The following MKI67 variants were observed in gnomAD, a reference collection of about 807,000 sequenced individuals.
The protein encoded by MKI67 is proliferation marker protein Ki-67.
In MKI67, 152 loss-of-function variants were observed where a neutral mutation model predicts 233.5. The ratio of observed to expected loss-of-function variants is 0.65; its 90% CI spans 0.57 to 0.74. The LOEUF is 0.74. Ranked by LOEUF, MKI67 falls within the 30% of genes least tolerant of loss-of-function variation. MKI67 has a pLI of 0.00. For missense variants in MKI67, 3,940 were observed against 3,885.2 expected, an observed-to-expected ratio of 1.01 and a Z score of -0.37; for synonymous variants, 1,465 against 1,418.5, an observed-to-expected ratio of 1.03 and a Z score of -0.74.
chr10:128,115,341 T>C lies in MKI67; in HGVS notation c.1067A>G (p.Asn356Ser). The C allele has an allele frequency of 2.5e-6, 4 of 1,614,162 alleles. No individual in the cohort carries two copies. The highest frequency in any genetic ancestry group is 3.4e-6 in the Non-Finnish European group (4 of 1,180,018). ...KTPVQYSQQQ[N>S]SPQKHKNKDL... The stretch of plus-strand genomic sequence containing the variant: ...TTTGTTCTTATGTTTTTGTGGAGAA[T>C]TTTGTTGCTGTGAATATTGTACAGG... The change falls in exon 7 of 15, where the codon AAT (asparagine) becomes AGT (serine). Residue 356 changes from asparagine (N) to serine (S), a missense_variant. Transcript: ENST00000368654.
chr10:128,101,978 A>C (rs1331192159), intron 13 of MKI67, among the ~76,000 whole-genome samples: 2 of 152,202 alleles, frequency 1.3e-5, no homozygotes. Context: ...ATCAAATCTA[A>C]TTTTTACAGT....
At chr10:128,114,890 T>C (rs1852764239) in intron 7 of MKI67, 38 bp downstream of exon 7, 2 of 1,503,738 alleles carry the variant, frequency 1.3e-6, no homozygotes, top group South Asian at 2.7e-5. Context: ...AAGGTGTTCA[T>C]CTTTTAGAAA....
At position 128,108,531 on chromosome 10, in the gene MKI67, A is replaced by C. The variant is rs773423563; in HGVS notation, c.3309T>G (p.Ala1103=). The C allele has an allele frequency of 1.9e-6, 3 of 1,614,058 alleles. No homozygotes were observed. The highest frequency in any genetic ancestry group is 2.5e-6 in the Non-Finnish European group (3 of 1,180,038). Reference sequence around the variant, plus strand: ...GTGTCTGGAAGAGCTCTTTGAAGCCAGCCAGGTCTTCTAGTGACTGGGCCT... The same window carrying C: ...GTGTCTGGAAGAGCTCTTTGAAGCCCGCCAGGTCTTCTAGTGACTGGGCCT... ...KEEAQSLEDL[A]GFKELFQTPG... Residue 1103 remains alanine (A), a synonymous_variant, in exon 13 of 15, where the codon GCT becomes GCG. Transcript: ENST00000368654.
rs1448456044 is a variant in MKI67, at chr10:128,103,773, T to C, written c.8067A>G (p.Ser2689=). 3 of 1,613,678 alleles carry C rather than the reference T, an allele frequency of 1.9e-6. No homozygotes were observed. Among genetic ancestry groups the C allele is most frequent in the Non-Finnish European group, 1.7e-6 (2 of 1,179,994 alleles). The change falls in exon 13 of 15, where the codon TCA becomes TCG. Residue 2689 remains serine (S), a synonymous_variant. Coordinates refer to ENST00000368654, the MANE Select transcript of MKI67 (RefSeq NM_002417.5). ...CAGTCAGTGATTCCTGAGTGTGACC[T>C]GATGTTTCAGAGAGCTCTGTGAAGC... is the stretch of plus-strand genomic sequence containing the variant. The part of the protein sequence containing the change: ...LAGFTELSET[S]GHTQESLTAG...
intron 4 of MKI67, among the ~76,000 whole-genome samples, chr10:128,119,615 T>C (rs1175701584): frequency 2.0e-5 from 3 of 152,226 alleles, no homozygotes; most frequent in African/African-American, 4.8e-5. Flanking sequence ...GCACCTTCTA[T>C]GACATAAGCT....
chr10:128,119,261 G>C lies in MKI67; in HGVS notation c.346C>G (p.Arg116Gly). The C allele has an allele frequency of 6.2e-7, 1 of 1,604,410 alleles. No homozygotes were observed. Among genetic ancestry groups the C allele is most frequent in the Non-Finnish European group, 8.5e-7 (1 of 1,171,662 alleles). ...RKSTEFPRKI[R>G]EQEPARRVSR... ...TGGATATTTTCTATCACCTGTTCACGTATTTTTCTTGGAAATTCAGTTGAC... is the reference window on the plus strand; with the variant it reads ...TGGATATTTTCTATCACCTGTTCACCTATTTTTCTTGGAAATTCAGTTGAC... Residue 116 changes from arginine (R) to glycine (G), a missense_variant, in exon 5 of 15, where the codon CGT becomes GGT. Transcript: ENST00000368654.
Position 128,103,944 on chromosome 10 carries a change from TG to T in MKI67, c.7895del (p.Thr2632AsnfsTer15), listed in dbSNP as rs1208517998. The part of the protein sequence containing the change: ...LTQTSGQSTH[T>X]HKEPASGDEG... The stretch of plus-strand genomic sequence containing the variant: ...CATCACCGCTTGCTGGTTCTTTGTG[TG>T]TGTGTGTGCTTTGCCCTGATGTTTG... On this transcript the variant is annotated frameshift_variant, in exon 13 of 15. Coordinates refer to ENST00000368654, the MANE Select transcript of MKI67 (RefSeq NM_002417.5). LOFTEE classifies it high-confidence loss of function. 1 of 1,614,096 alleles carries T rather than the reference TG, an allele frequency of 6.2e-7. No homozygotes were observed. Among genetic ancestry groups the T allele is most frequent in the East Asian group, 2.2e-5 (1 of 44,866 alleles).
chr10:128,123,315 C>T (rs903162294), intron 2 of MKI67, 146 bp from the exon 3 acceptor site: 26 of 638,848 alleles, frequency 4.1e-5, no homozygotes, highest in Non-Finnish European at 5.9e-5. Context: ...GCAATGTAAA[C>T]GATCTTGCAT....
In MKI67 at chr10:128,125,602, C is replaced by A. The variant is rs1480053143; in HGVS notation, c.66G>T (p.Leu22=). Residue 22 remains leucine (L), a synonymous_variant, in exon 2 of 15, where the codon CTG becomes CTT. Coordinates refer to ENST00000368654, the MANE Select transcript of MKI67 (RefSeq NM_002417.5). The surrounding 1 kb of genome is among the most constrained non-coding windows in gnomAD (Gnocchi z 5.3). ...RSGVDGPHFP[L]SLSTCLFGRG... is the part of the protein sequence containing the mutation. Reference sequence around the variant, plus strand: ...TTCCAAACAAGCAGGTGCTGAGGCTCAGGGGAAAGTGGGGACCGTCGACCC... The same window carrying A: ...TTCCAAACAAGCAGGTGCTGAGGCTAAGGGGAAAGTGGGGACCGTCGACCC... 1.9e-6 allele frequency: 3 copies of A among 1,613,526 alleles called. No individual in the cohort carries two copies. Among genetic ancestry groups the A allele is most frequent in the Non-Finnish European group, 2.5e-6 (3 of 1,179,826 alleles).
In MKI67 at chr10:128,096,806, T is replaced by C. The variant is rs965222024; in HGVS notation, c.*2384A>G. 9 of 152,252 alleles carry C rather than the reference T, an allele frequency of 5.9e-5. No homozygotes were observed. The highest frequency in any genetic ancestry group is 2.2e-4 in the African/African-American group (9 of 41,456). The allele number at this position is 152,252 out of a possible 1,614,324, so 9.4% of individuals were successfully genotyped here. On this transcript the variant is annotated 3_prime_UTR_variant, in exon 15 of 15. Coordinates refer to ENST00000368654, the MANE Select transcript of MKI67 (RefSeq NM_002417.5). ...GCCAGAAACTCAATTAGTGGCTTAGTTTCCACAACACTACGTGCTACAAAG... is the reference window on the plus strand; with the variant it reads ...GCCAGAAACTCAATTAGTGGCTTAGCTTCCACAACACTACGTGCTACAAAG...
chr10:128,111,589 C>G (rs1461600838), intron 11 of MKI67, 56 bp downstream of exon 11: 2 of 1,150,422 alleles, frequency 1.7e-6, no homozygotes, highest in African/African-American at 3.2e-5. Flanking sequence ...CAAACATTAA[C>G]ACAGTAAAAA....
intron 2 of MKI67, among the ~76,000 whole-genome samples, chr10:128,124,270 A>G (rs1047827818): frequency 3.3e-5 from 5 of 152,222 alleles, no homozygotes; most frequent in African/African-American, 1.2e-4. Flanking sequence ...CAAAGGAAAG[A>G]CTATCCCTTA....
intron 2 of MKI67, among the ~76,000 whole-genome samples, chr10:128,124,756 T>C (rs1342513270): frequency 6.6e-6 from 1 of 152,188 alleles, no homozygotes; most frequent in East Asian, 1.9e-4. Context: ...AGGTGACATT[T>C]CACCTGATGC....
At chr10:128,122,386 T>A (rs1402087004) in intron 4 of MKI67, among the ~76,000 whole-genome samples, 1 of 152,176 alleles carries the variant, frequency 6.6e-6, no homozygotes, top group Non-Finnish European at 1.5e-5. Context: ...TTCATTGCCT[T>A]TTTAAATGCC....
rs763939765 is a variant in MKI67, at chr10:128,123,037, G to C, written c.172-41C>G. The C allele has an allele frequency of 5.7e-6, 9 of 1,571,060 alleles. No homozygotes were observed. In the Admixed American group the frequency reaches 1.5e-4, roughly 26 times the overall value. ...AGGGGAAATATGTAACTAATGAACA[G>C]ATTAAAAGTGAACTAAAAAGCTTTA... On this transcript the variant is annotated intron_variant, in intron 3 of 14. Coordinates refer to ENST00000368654, the MANE Select transcript of MKI67 (RefSeq NM_002417.5).
rs368584772 is a variant in MKI67, at chr10:128,107,743, C to G, written c.4097G>C (p.Gly1366Ala). The stretch of plus-strand genomic sequence containing the variant: ...TTCGCAGGGCATTTTAGTAGTTTTG[C>G]CAGCAGCCACTGCTTCTTCAGTATG... ...PGHTEEAVAA[G>A]KTTKMPCESS... Residue 1366 changes from glycine (G) to alanine (A), a missense_variant, in exon 13 of 15, where the codon GGC becomes GCC. Gly to Ala is a moderately conservative substitution (Grantham distance 60, BLOSUM62 0). Coordinates refer to ENST00000368654, the MANE Select transcript of MKI67 (RefSeq NM_002417.5). 11 of 1,613,570 alleles carry G rather than the reference C, an allele frequency of 6.8e-6. No individual in the cohort carries two copies. The African/African-American group carries it at 9.4e-5, about 14-fold the overall frequency.
At position 128,101,347 on chromosome 10, in the gene MKI67, TTG is replaced by T. The variant is rs1852329060; in HGVS notation, c.9614_9615del (p.Thr3205LysfsTer32). 6.2e-7 allele frequency: 1 copy of T among 1,614,220 alleles called. No individual in the cohort carries two copies. Among genetic ancestry groups the T allele is most frequent in the East Asian group, 2.2e-5 (1 of 44,878 alleles). On this transcript the variant is annotated frameshift_variant, in exon 14 of 15. Transcript: ENST00000368654. LOFTEE classifies it high-confidence loss of function. ...AAAGTGCTTGCTGCAGGCTGGCTTT[TTG>T]TCTTTCTTGATCTCAGGCACATGGA... is the stretch of plus-strand genomic sequence containing the variant. ...SDSMCLRSRK[T>X]KSQPAASTLE...
In MKI67 at chr10:128,103,620, G is replaced by A. The variant is rs1232429027; in HGVS notation, c.8220C>T (p.Val2740=). Residue 2740 remains valine, a synonymous_variant, in exon 13 of 15, where the codon GTC becomes GTT. Coordinates refer to ENST00000368654, the MANE Select transcript of MKI67 (RefSeq NM_002417.5). ...KVQVKEEPSA[V]KFTQTSGETT... is the part of the protein sequence containing the mutation. ...TTTCCCCTGATGTTTGTGTGAACTT[G>A]ACTGCTGAAGGCTCTTCTTTTACTT... 3.1e-6 allele frequency: 5 copies of A among 1,613,970 alleles called. No homozygotes were observed. The Admixed American group carries it at 8.3e-5, about 27-fold the overall frequency.
At chr10:128,120,309 G>A (rs956498174) in intron 4 of MKI67, among the ~76,000 whole-genome samples, 3 of 152,054 alleles carry the variant, frequency 2.0e-5, no homozygotes, top group African/African-American at 7.2e-5. Context: ...TGGCCATCAT[G>A]GTGAAACGCC....
Sources: gnomAD v4.1 joint callset for allele counts (sites outside exome capture counted in the v4.1 genomes callset) on GRCh38, gnomAD v4.1.1 for gene constraint, Gnocchi (gnomAD v3.1) non-coding constraint, MANE v1.5 for transcripts, NCBI Gene and HGNC (gene_info 2026-07-23, HGNC 2026-07-21) for gene names.